Variants in KRABD5 observed in about 807,000 individuals in gnomAD.
KRABD5 encodes KRAB domain containing 5.
chr16:31,713,508 G>C, the KRABD5 span: 1 of 1,553,790 alleles, frequency 6.4e-7, no homozygotes, highest in African/African-American at 1.4e-5. Flanking sequence ...CCTCTTTGAG[G>C]TTAGCTTCGG....
At chr16:31,749,691 C>G in the KRABD5 span, among the ~76,000 whole-genome samples, 6 of 152,188 alleles carry the variant, frequency 3.9e-5, no homozygotes, top group African/African-American at 1.4e-4. Context: ...GCTGGCAGGA[C>G]AGGGCTCTCC....
At chr16:31,746,581 T>A in the KRABD5 span, among the ~76,000 whole-genome samples, 10 of 152,168 alleles carry the variant, frequency 6.6e-5, no homozygotes, top group Admixed American at 3.3e-4. Context: ...GAGAATCTGA[T>A]GAGTATGTGT....
At chr16:31,738,446 T>C in the KRABD5 span, among the ~76,000 whole-genome samples, 1 of 152,176 alleles carries the variant, frequency 6.6e-6, no homozygotes, top group Non-Finnish European at 1.5e-5. Flanking sequence ...TTTATAATTA[T>C]ATAATGCTCT....
chr16:31,714,179 A>G, the KRABD5 span, among the ~76,000 whole-genome samples: 54 of 152,224 alleles, frequency 3.5e-4, no homozygotes, highest in Non-Finnish European at 6.2e-4. Flanking sequence ...AGGACTTGGC[A>G]CCTCCTAGAA....
At chr16:31,760,563 T>C in the KRABD5 span, 19 of 142,242 alleles carry the variant, frequency 1.3e-4, no homozygotes, top group African/African-American at 4.8e-4. Flanking sequence ...GTGATTTCCA[T>C]GTGTGCTGCA....
At chr16:31,723,968 A>G in the KRABD5 span, among the ~76,000 whole-genome samples, 3 of 152,362 alleles carry the variant, frequency 2.0e-5, no homozygotes, top group East Asian at 5.8e-4. Context: ...AACTAAGATT[A>G]GAAATATAAT....
At chr16:31,747,412 C>T in the KRABD5 span, among the ~76,000 whole-genome samples, 1 of 152,132 alleles carries the variant, frequency 6.6e-6, no homozygotes, top group Non-Finnish European at 1.5e-5. Flanking sequence ...GGGTTGGTTT[C>T]AAGTCTTTGC....
chr16:31,721,550 CAG>C, the KRABD5 span, among the ~76,000 whole-genome samples: 57 of 150,920 alleles, frequency 3.8e-4, no homozygotes, highest in South Asian at 1.0e-3. Flanking sequence ...AGGCTTGAGA[CAG>C]AGAGGGGAAG....
At chr16:31,731,778 A>G in the KRABD5 span, among the ~76,000 whole-genome samples, 5 of 151,998 alleles carry the variant, frequency 3.3e-5, no homozygotes, top group African/African-American at 1.2e-4. Context: ...GTTGAGCAAA[A>G]CTCCTGACCT....
chr16:31,748,631 C>T, the KRABD5 span, among the ~76,000 whole-genome samples: 1 of 152,096 alleles, frequency 6.6e-6, no homozygotes, highest in African/African-American at 2.4e-5. Context: ...AGTTCTATGC[C>T]CTTGATGGAG....
chr16:31,728,437 T>C, the KRABD5 span, among the ~76,000 whole-genome samples: 2 of 152,124 alleles, frequency 1.3e-5, no homozygotes, highest in Non-Finnish European at 2.9e-5. Flanking sequence ...TATTATAAAC[T>C]TCTGTACTAG....
the KRABD5 span, among the ~76,000 whole-genome samples, chr16:31,735,307 T>C: frequency 1.3e-5 from 2 of 152,228 alleles, no homozygotes; most frequent in Non-Finnish European, 2.9e-5. Flanking sequence ...TTTATCCATT[T>C]ATCTCTTGGT....
chr16:31,717,315 C>T, the KRABD5 span, among the ~76,000 whole-genome samples: 5 of 152,064 alleles, frequency 3.3e-5, no homozygotes, highest in African/African-American at 7.2e-5. Context: ...TGATTCGGGA[C>T]ATTCTTTCTC....
the KRABD5 span, chr16:31,713,559 G>A: frequency 2.2e-6 from 3 of 1,368,982 alleles, no homozygotes; most frequent in South Asian, 4.3e-5. Flanking sequence ...CTCGGCCCTT[G>A]GTCCCCTCCG....
the KRABD5 span, chr16:31,713,459 C>A: frequency 6.2e-7 from 1 of 1,600,390 alleles, no homozygotes; most frequent in Middle Eastern, 1.7e-4. Flanking sequence ...GTCGGGGGTC[C>A]CCAGAAGAGG....
the KRABD5 span, among the ~76,000 whole-genome samples, chr16:31,731,124 T>C: frequency 2.0e-5 from 3 of 152,212 alleles, no homozygotes; most frequent in Non-Finnish European, 4.4e-5. Context: ...TGTAGGCTTA[T>C]GTTTATGTCC....
chr16:31,742,336 G>GTGTGTGT, the KRABD5 span, among the ~76,000 whole-genome samples: 2 of 152,086 alleles, frequency 1.3e-5, no homozygotes, highest in Non-Finnish European at 2.9e-5. Flanking sequence ...CCAGGCCCTG[G>GTGTGTGT]TGTGTGTTGT....
chr16:31,720,926 A>G, the KRABD5 span, among the ~76,000 whole-genome samples: 3,220 of 152,292 alleles, frequency 0.021, 106 homozygotes, highest in East Asian at 0.11. Context: ...GGAAATTCTG[A>G]AACAAGCCTC....
chr16:31,728,130 C>T, the KRABD5 span, among the ~76,000 whole-genome samples: 4 of 152,326 alleles, frequency 2.6e-5, no homozygotes, highest in South Asian at 8.3e-4. Flanking sequence ...ACTGGGATTA[C>T]AAGCATGAGG....
Sources: allele counts gnomAD v4.1 joint callset (sites outside exome capture counted in the v4.1 genomes callset), GRCh38; gene constraint gnomAD v4.1.1; transcripts MANE v1.5; gene names NCBI Gene and HGNC (gene_info 2026-07-23, HGNC 2026-07-21).